Variants in ECE1 observed in about 807,000 individuals in gnomAD.
The protein encoded by ECE1 is endothelin converting enzyme 1, also known as endothelin-converting enzyme 1.
ECE1 carries 35 observed loss-of-function variants against 98.6 expected under a neutral mutation model. The ratio of observed to expected loss-of-function variants is 0.35; its 90% CI spans 0.27 to 0.47. The LOEUF is 0.47. ECE1 is among the 20% of genes least tolerant of loss of function. The pLI, the probability that ECE1 is intolerant of heterozygous loss-of-function variation, is 1.00. For missense variants in ECE1, 814 were observed against 1,025.3 expected (o/e 0.79, Z 2.81); for synonymous variants, 394 against 407.1 (o/e 0.97, Z 0.39).
In ECE1 at chr1:21,267,161, C is replaced by T. The variant is rs1425922793; in HGVS notation, c.493+5538G>A. 4 of 152,404 alleles carry T rather than the reference C, an allele frequency of 2.6e-5. No homozygotes were observed. In the Middle Eastern group the frequency reaches 0.01, roughly 386 times the overall value. 9.4% of individuals were successfully genotyped at this position (152,404 alleles called of 1,614,324 possible). ...TGCCATCTTGGAAGCAGAGAGCAAC[C>T]CTTAACAGACACTGAACAAGCCCGT... On this transcript the variant is annotated intron_variant, in intron 4 of 18. Transcript: ENST00000374893.
chr1:21,306,186 AAAC>A (rs1436782063), intron 1 of ECE1, among the ~76,000 whole-genome samples: 2 of 152,262 alleles, frequency 1.3e-5, no homozygotes, highest in Non-Finnish European at 2.9e-5. Flanking sequence ...ACATTAAACA[AAAC>A]AAAGCGTTTG....
rs925398193 is a variant in ECE1, at chr1:21,235,435, C to A, written c.1566+415G>T. Among the ~76,000 whole-genome samples the A allele has an allele frequency of 6.6e-6, 1 of 152,028 alleles. No homozygotes were observed. Among genetic ancestry groups the A allele is most frequent in the Admixed American group, 6.6e-5 (1 of 15,262 alleles). ...GGACAGGAGGTAACTGGAAGCACGACCAGGGAGGGAGGAGGTGGTGTGGGG... is the reference window on the plus strand; with the variant it reads ...GGACAGGAGGTAACTGGAAGCACGAACAGGGAGGGAGGAGGTGGTGTGGGG... On this transcript the variant is annotated intron_variant, in intron 13 of 18. Transcript: ENST00000374893. The surrounding 1 kb of genome is among the most constrained non-coding windows in gnomAD (Gnocchi z 4.2).
chr1:21,219,872 G>A lies in ECE1; in HGVS notation c.*83C>T. On this transcript the variant is annotated 3_prime_UTR_variant, in exon 19 of 19. Transcript: ENST00000374893. The surrounding 1 kb of genome is among the most constrained non-coding windows in gnomAD (Gnocchi z 4.5). ...AGCAGGGCCCCGGGTGGCCAAGCGG[G>A]CTGAGCAATGCCCTGGAGGCTGGAT... 6.3e-7 allele frequency: 1 copy of A among 1,579,470 alleles called. No individual in the cohort carries two copies. The highest frequency in any genetic ancestry group is 1.1e-5 in the South Asian group (1 of 88,418).
intron 1 of ECE1, among the ~76,000 whole-genome samples, chr1:21,323,511 C>G (rs1442953602): frequency 6.6e-6 from 1 of 152,172 alleles, no homozygotes; most frequent in Non-Finnish European, 1.5e-5. Flanking sequence ...GTAACCCCAG[C>G]ACTTTGGAAG....
At chr1:21,308,896 C>A (rs1347269730) in intron 1 of ECE1, among the ~76,000 whole-genome samples, 1 of 152,190 alleles carries the variant, frequency 6.6e-6, no homozygotes. Context: ...GGGCTATGAG[C>A]CACAGCTTCT....
rs2098164973 is a variant in ECE1 at position 21,219,752 on chromosome 1, G to GGTTGCCTGT, written c.*202_*203insACAGGCAAC. ...TGAAGGTGGCGCACACGTGTGCCTG[G>GGTTGCCTGT]GATGTCCGGCTCTTCACAGGGGATC... On this transcript the variant is annotated 3_prime_UTR_variant, in exon 19 of 19. Coordinates refer to ENST00000374893, the MANE Select transcript of ECE1 (RefSeq NM_001397.3). The surrounding 1 kb of genome is among the most constrained non-coding windows in gnomAD (Gnocchi z 4.5). The GGTTGCCTGT allele has an allele frequency of 1.5e-6, 1 of 655,850 alleles. No homozygotes were observed. Among genetic ancestry groups the GGTTGCCTGT allele is most frequent in the Non-Finnish European group, 2.7e-6 (1 of 375,976 alleles). 40.6% of individuals were successfully genotyped at this position (655,850 alleles called of 1,614,324 possible). A position where few individuals can be genotyped will look rare whatever the true frequency, so the allele number is the denominator to read the frequency against.
intron 4 of ECE1, among the ~76,000 whole-genome samples, chr1:21,268,183 G>T (rs562613640): frequency 6.6e-6 from 1 of 152,198 alleles, no homozygotes; most frequent in East Asian, 1.9e-4. Flanking sequence ...GGCTTTGGAG[G>T]GGGTGGTGTA....
rs1158891360 is a variant in ECE1 at position 21,249,258 on chromosome 1, G to A, written c.1021-1895C>T. Among the ~76,000 whole-genome samples, 7 of 151,522 alleles carry A rather than the reference G, an allele frequency of 4.6e-5. No individual in the cohort carries two copies. The East Asian group carries it at 7.8e-4, about 17-fold the overall frequency. ...CTCGGGATGCTGAGGCAGGAGAATCGCTTGAACCAGGGAGGCAGAGGTTAC... is the reference window on the plus strand; with the variant it reads ...CTCGGGATGCTGAGGCAGGAGAATCACTTGAACCAGGGAGGCAGAGGTTAC... On this transcript the variant is annotated intron_variant, in intron 8 of 18. Coordinates refer to ENST00000374893, the MANE Select transcript of ECE1 (RefSeq NM_001397.3).
intron 1 of ECE1, among the ~76,000 whole-genome samples, chr1:21,302,781 T>C (rs1345860221): frequency 6.6e-6 from 1 of 152,150 alleles, no homozygotes; most frequent in East Asian, 1.9e-4. Flanking sequence ...GACGGAAATG[T>C]AGCAGTGTTT....
Position 21,290,004 on chromosome 1 carries a change from G to A in ECE1, c.138+66C>T. On this transcript the variant is annotated intron_variant, in intron 2 of 18. Transcript: ENST00000374893. This position sits in a 1 kb window ranked among gnomAD's most constrained non-coding sequence, Gnocchi z 7.3. The stretch of plus-strand genomic sequence containing the variant: ...GGGGTAGGTAGGGGCGGGGGGCGCG[G>A]CAGCGGCAGCGCGCATGCCCGGGCC... 1 of 1,255,558 alleles carries A rather than the reference G, an allele frequency of 8.0e-7. No homozygotes were observed. Among genetic ancestry groups the A allele is most frequent in the East Asian group, 3.2e-5 (1 of 31,020 alleles). 77.8% of individuals were successfully genotyped at this position (1,255,558 alleles called of 1,614,324 possible).
intron 1 of ECE1, among the ~76,000 whole-genome samples, chr1:21,313,074 A>C (rs1156351919): frequency 6.6e-6 from 1 of 151,932 alleles, no homozygotes; most frequent in African/African-American, 2.4e-5. Context: ...GGTCTGTCTG[A>C]CTCTAAACTA....
intron 1 of ECE1, among the ~76,000 whole-genome samples, chr1:21,318,661 G>A (rs1205906001): frequency 6.6e-6 from 1 of 152,114 alleles, no homozygotes; most frequent in Non-Finnish European, 1.5e-5. Context: ...GCCTATCCAA[G>A]CAGAGGTGGC....
chr1:21,277,333 C>G (rs550652345), intron 3 of ECE1, among the ~76,000 whole-genome samples: 300 of 152,328 alleles, frequency 2.0e-3, no homozygotes, highest in Non-Finnish European at 3.0e-3. Flanking sequence ...GTGGGGACTC[C>G]CCCCTGGTTT....
chr1:21,254,979 G>A (rs1429097641), intron 8 of ECE1, among the ~76,000 whole-genome samples: 2 of 152,146 alleles, frequency 1.3e-5, no homozygotes, highest in African/African-American at 2.4e-5. Context: ...CCCAGGGCCC[G>A]CTGCTTTTGC....
chr1:21,277,951 T>C (rs2098249422), intron 3 of ECE1, among the ~76,000 whole-genome samples: 1 of 152,188 alleles, frequency 6.6e-6, no homozygotes, highest in Admixed American at 6.5e-5. Flanking sequence ...CCTGCTCTTT[T>C]CTAGGCCCCT....
At chr1:21,336,434 C>T (rs139055387) in intron 1 of ECE1, among the ~76,000 whole-genome samples, 10 of 152,314 alleles carry the variant, frequency 6.6e-5, no homozygotes, top group Admixed American at 2.0e-4. Context: ...GTGGCTCACA[C>T]CTGTAATCCC....
At chr1:21,312,996 AC>A (rs1638761125) in intron 1 of ECE1, among the ~76,000 whole-genome samples, 1 of 152,154 alleles carries the variant, frequency 6.6e-6, no homozygotes, top group Non-Finnish European at 1.5e-5. Flanking sequence ...TAAAACTGCA[AC>A]TCAGAGAGGG....
Position 21,272,909 on chromosome 1 carries a change from A to G in ECE1, c.283T>C (p.Ser95Pro), listed in dbSNP as rs755143874. 1.9e-6 allele frequency: 3 copies of G among 1,613,922 alleles called. No homozygotes were observed. The Admixed American group carries it at 5.0e-5, about 27-fold the overall frequency. The change falls in exon 4 of 19, where the codon TCC becomes CCC. Residue 95 changes from serine to proline, a missense_variant and splice_region_variant. By Grantham distance (74) the Ser-to-Pro change is moderately conservative (BLOSUM62 -1). Around this residue, in one of 3 missense-constraint regions of ECE1, gnomAD observed 257 missense variants for 278.9 expected, o/e 0.92. Coordinates refer to ENST00000374893, the MANE Select transcript of ECE1 (RefSeq NM_001397.3). ...GCTTCGCTCAGGCACACAGAGGGGG[A>G]TCCTGGAAGGGTTAAGGACAAGAGG... ...AALGIQYQTR[S>P]PSVCLSEACV... is the part of the protein sequence containing the mutation.
At chr1:21,318,971 G>A (rs1428941145) in intron 1 of ECE1, among the ~76,000 whole-genome samples, 1 of 152,204 alleles carries the variant, frequency 6.6e-6, no homozygotes, top group East Asian at 1.9e-4. Context: ...ACCCTCCCAG[G>A]AAGCCAAATT....
Sources: allele counts gnomAD v4.1 joint callset (sites outside exome capture counted in the v4.1 genomes callset), GRCh38; gene constraint gnomAD v4.1.1; regional missense constraint gnomAD v4.1.1; non-coding constraint Gnocchi (gnomAD v3.1); transcripts MANE v1.5; gene names NCBI Gene and HGNC (gene_info 2026-07-23, HGNC 2026-07-21).